FARS2: variants seen among roughly 807,000 people sequenced by gnomAD.
FARS2 encodes the protein phenylalanine--tRNA ligase, mitochondrial.
FARS2 carries 40 observed loss-of-function variants against 46.4 expected under a neutral mutation model. That is an observed-to-expected ratio of 0.86 (90% confidence interval 0.67 to 1.12). FARS2 has a LOEUF of 1.12. FARS2 is among the 50% of genes most tolerant of loss of function. The pLI, the probability that FARS2 is intolerant of heterozygous loss-of-function variation, is 0.00. For synonymous variants in FARS2, 234 were observed against 214.9 expected (o/e 1.09, Z -0.78); for missense variants, 513 against 567.9 (o/e 0.90, Z 0.98).
chr6:5,523,543 G>T (rs1355490563), intron 4 of FARS2, among the ~76,000 whole-genome samples: 1 of 152,106 alleles, frequency 6.6e-6, no homozygotes, highest in African/African-American at 2.4e-5. Context: ...TCCCCGCTCA[G>T]GGTCTCTGTA....
intron 6 of FARS2, among the ~76,000 whole-genome samples, chr6:5,639,655 C>T (rs748841088): frequency 6.6e-6 from 1 of 152,238 alleles, no homozygotes; most frequent in South Asian, 2.1e-4. Flanking sequence ...CTTCTATCCA[C>T]ATTTGTTCTT....
chr6:5,755,625 C>G (rs1561839504), intron 6 of FARS2, among the ~76,000 whole-genome samples: 1 of 152,032 alleles, frequency 6.6e-6, no homozygotes, highest in Non-Finnish European at 1.5e-5. Flanking sequence ...GTTCTTGTAT[C>G]TGAAATCCTT....
intron 5 of FARS2, among the ~76,000 whole-genome samples, chr6:5,591,349 A>G (rs1214135021): frequency 1.3e-5 from 2 of 152,168 alleles, no homozygotes; most frequent in Admixed American, 6.5e-5. Context: ...TTGAGAGTTG[A>G]TTGAATATGA....
intron 6 of FARS2, among the ~76,000 whole-genome samples, chr6:5,733,380 T>C (rs1419588347): frequency 1.3e-5 from 2 of 152,192 alleles, no homozygotes; most frequent in Non-Finnish European, 2.9e-5. Context: ...CCTGAATCAT[T>C]TCAAATTACA....
chr6:5,346,915 T>G (rs979953457), intron 1 of FARS2, among the ~76,000 whole-genome samples: 1 of 151,868 alleles, frequency 6.6e-6, no homozygotes, highest in African/African-American at 2.4e-5. Context: ...CATTAGGTTT[T>G]TTTTTTTTTT....
At chr6:5,591,132 A>G (rs555825575) in intron 5 of FARS2, among the ~76,000 whole-genome samples, 1 of 152,332 alleles carries the variant, frequency 6.6e-6, no homozygotes, top group East Asian at 1.9e-4. Flanking sequence ...TTTTGGTGTT[A>G]ATGCCATTGA....
intron 4 of FARS2, among the ~76,000 whole-genome samples, chr6:5,449,908 G>A (rs1764388983): frequency 6.6e-6 from 1 of 152,130 alleles, no homozygotes; most frequent in African/African-American, 2.4e-5. Context: ...TCATCCCTTG[G>A]TATACATGTG....
chr6:5,471,878 A>G lies in FARS2; in HGVS notation c.904+40706A>G, dbSNP rs1015104655. On this transcript the variant is annotated intron_variant, in intron 4 of 6. Coordinates refer to ENST00000274680, the MANE Select transcript of FARS2 (RefSeq NM_006567.5). This position sits in a 1 kb window ranked among gnomAD's most constrained non-coding sequence, Gnocchi z 4.1. Reference sequence around the variant, plus strand: ...CAGCAGATGCGTACTGGTGGTTGCCATGGAGATCGCTAATACTGCTGAAAC... The same window carrying G: ...CAGCAGATGCGTACTGGTGGTTGCCGTGGAGATCGCTAATACTGCTGAAAC... Among the ~76,000 whole-genome samples, 1 of 152,176 alleles carries G rather than the reference A, an allele frequency of 6.6e-6. No individual in the cohort carries two copies. The highest frequency in any genetic ancestry group is 1.9e-4 in the East Asian group (1 of 5,198).
chr6:5,538,371 G>T (rs371647737), intron 4 of FARS2, among the ~76,000 whole-genome samples: 2 of 152,218 alleles, frequency 1.3e-5, no homozygotes, highest in East Asian at 3.9e-4. Context: ...GATAATCAGG[G>T]CAAAGAGGAA....
At chr6:5,320,877 T>G (rs1769920827) in intron 1 of FARS2, among the ~76,000 whole-genome samples, 1 of 152,220 alleles carries the variant, frequency 6.6e-6, no homozygotes, top group African/African-American at 2.4e-5. Flanking sequence ...ACTTTCTACC[T>G]GTGCCCTCAC....
Position 5,489,980 on chromosome 6 carries a change from G to A in FARS2, c.905-55200G>A, listed in dbSNP as rs535966839. Among the ~76,000 whole-genome samples the A allele has an allele frequency of 2.0e-5, 3 of 152,232 alleles. No individual in the cohort carries two copies. In the South Asian group the frequency reaches 6.2e-4, roughly 32 times the overall value. On this transcript the variant is annotated intron_variant, in intron 4 of 6. Transcript: ENST00000274680. Reference sequence around the variant, plus strand: ...TGATGAACTTCAGTAAGTATATAGAGTCGCGTAGGCACAATATCAAGATAC... The same window carrying A: ...TGATGAACTTCAGTAAGTATATAGAATCGCGTAGGCACAATATCAAGATAC...
intron 1 of FARS2, among the ~76,000 whole-genome samples, chr6:5,278,669 G>A (rs1020382854): frequency 6.6e-6 from 1 of 151,988 alleles, no homozygotes; most frequent in African/African-American, 2.4e-5. Flanking sequence ...TTCTTTATTA[G>A]GCTAAAAAAG....
intron 4 of FARS2, among the ~76,000 whole-genome samples, chr6:5,438,235 A>ACC (rs1304382253): frequency 3.1e-3 from 39 of 12,402 alleles, no homozygotes; most frequent in East Asian, 0.03. Context: ...CAAGGCTTCT[A>ACC]CCCACCCCCC....
rs181486900 is a variant in FARS2, at chr6:5,480,702, C to T, written c.904+49530C>T. 4.3e-4 allele frequency among the ~76,000 whole-genome samples: 66 copies of T among 152,236 alleles called. 1 individual carries two copies. Among genetic ancestry groups the T allele is most frequent in the Middle Eastern group, 3.4e-3 (1 of 292 alleles). On this transcript the variant is annotated intron_variant, in intron 4 of 6. Coordinates refer to ENST00000274680, the MANE Select transcript of FARS2 (RefSeq NM_006567.5). ...TTCTTGCCTCTCTGCCACTCTGTCC[C>T]CTTCCCTCAAATAAAAACTTCTGCT...
At chr6:5,558,808 C>T (rs980614833) in intron 5 of FARS2, among the ~76,000 whole-genome samples, 2 of 152,008 alleles carry the variant, frequency 1.3e-5, no homozygotes, top group African/African-American at 4.8e-5. Context: ...GCCTTGGCCT[C>T]AGAATTTATT....
chr6:5,327,201 C>T (rs768505668), intron 1 of FARS2, among the ~76,000 whole-genome samples: 4 of 152,152 alleles, frequency 2.6e-5, no homozygotes, highest in Non-Finnish European at 5.9e-5. Context: ...TATTATCTTT[C>T]ATTTTATAGG....
chr6:5,272,122 T>A (rs1766000338), intron 1 of FARS2, among the ~76,000 whole-genome samples: 1 of 152,176 alleles, frequency 6.6e-6, no homozygotes, highest in Non-Finnish European at 1.5e-5. Context: ...AGTGTCTCCA[T>A]GCTGCATACA....
intron 5 of FARS2, among the ~76,000 whole-genome samples, chr6:5,601,261 C>G (rs970805200): frequency 2.0e-5 from 3 of 152,098 alleles, no homozygotes; most frequent in Non-Finnish European, 4.4e-5. Flanking sequence ...GTGGTTCACG[C>G]CTGTAATCCC....
At chr6:5,523,859 G>C (rs1044282922) in intron 4 of FARS2, among the ~76,000 whole-genome samples, 3 of 152,224 alleles carry the variant, frequency 2.0e-5, no homozygotes, top group African/African-American at 7.2e-5. Context: ...CACATGCAAA[G>C]TTCTCCACGT....
Sources: allele counts gnomAD v4.1 joint callset (sites outside exome capture counted in the v4.1 genomes callset), GRCh38; gene constraint gnomAD v4.1.1; non-coding constraint Gnocchi (gnomAD v3.1); transcripts MANE v1.5; gene names NCBI Gene and HGNC (gene_info 2026-07-23, HGNC 2026-07-21).